AFAP1: variants seen among roughly 807,000 people sequenced by gnomAD.
AFAP1 encodes the protein actin filament-associated protein 1.
AFAP1 carries 75 observed loss-of-function variants against 93.9 expected under a neutral mutation model. That is an observed-to-expected ratio of 0.80 (90% CI 0.66 to 0.97). The LOEUF (loss-of-function observed/expected upper bound fraction) is 0.97, where lower values mean the gene tolerates loss of function less well. Among genes scored for constraint, AFAP1 ranks in the 50% least tolerant of loss-of-function variants. The probability of loss-of-function intolerance (pLI) is 0.00; values close to 1 mark genes in which losing one functional copy is unlikely to be tolerated. For missense variants in AFAP1, 1,201 were observed against 1,050.8 expected, an observed-to-expected ratio of 1.14 and a Z score of -1.98; for synonymous variants, 517 against 430.7, an observed-to-expected ratio of 1.20 and a Z score of -2.48.
intron 6 of AFAP1, among the ~76,000 whole-genome samples, chr4:7,838,257 A>C (rs1712548525): frequency 6.6e-6 from 1 of 152,188 alleles, no homozygotes; most frequent in Admixed American, 6.5e-5. Context: ...AGACACAATA[A>C]AGTGACACTG....
At chr4:7,904,602 T>A (rs62290561) in intron 1 of AFAP1, among the ~76,000 whole-genome samples, 1 of 152,086 alleles carries the variant, frequency 6.6e-6, no homozygotes, top group African/African-American at 2.4e-5. Flanking sequence ...AACTGAGGCA[T>A]AGAAAGATTA....
chr4:7,796,443 T>A (rs1476462375), intron 10 of AFAP1, among the ~76,000 whole-genome samples: 1 of 152,182 alleles, frequency 6.6e-6, no homozygotes, highest in East Asian at 1.9e-4. Context: ...AAGGATATAA[T>A]CACTGATTAA....
intron 6 of AFAP1, among the ~76,000 whole-genome samples, chr4:7,822,862 G>C (rs1196979467): frequency 6.6e-6 from 1 of 151,568 alleles, no homozygotes; most frequent in Non-Finnish European, 1.5e-5. Flanking sequence ...CAAAGTGCTG[G>C]GATTACAGGC....
At chr4:7,882,449 A>G (rs1293106085) in intron 1 of AFAP1, among the ~76,000 whole-genome samples, 1 of 151,996 alleles carries the variant, frequency 6.6e-6, no homozygotes, top group East Asian at 1.9e-4. Flanking sequence ...GAATAGAGAT[A>G]GCACAAAAAA....
At chr4:7,881,901 T>C (rs1717872861) in intron 1 of AFAP1, among the ~76,000 whole-genome samples, 1 of 152,200 alleles carries the variant, frequency 6.6e-6, no homozygotes, top group African/African-American at 2.4e-5. Flanking sequence ...CCAAATTATC[T>C]CATCCTTAAA....
chr4:7,838,289 G>A (rs937212282), intron 6 of AFAP1, among the ~76,000 whole-genome samples: 8 of 152,124 alleles, frequency 5.3e-5, no homozygotes, highest in African/African-American at 7.2e-5. Context: ...AGAGAAAGTC[G>A]TCGAAGCAGC....
chr4:7,758,994 GTTTC>G lies in AFAP1; in HGVS notation c.*4767_*4770del, dbSNP rs1485481267. The G allele has an allele frequency of 6.6e-6, 1 of 152,434 alleles. No individual in the cohort carries two copies. The highest frequency in any genetic ancestry group is 2.4e-5 in the African/African-American group (1 of 41,418). 9.4% of individuals were successfully genotyped at this position (152,434 alleles called of 1,614,324 possible). ...TATTTAATTTAAAAAAATCTTTGCT[GTTTC>G]TTTGCCTGTTTCTTTCAAAGAGAAT... On this transcript the variant is annotated 3_prime_UTR_variant, in exon 18 of 18. Coordinates refer to ENST00000420658, the MANE Select transcript of AFAP1 (RefSeq NM_001134647.2).
intron 11 of AFAP1, among the ~76,000 whole-genome samples, chr4:7,786,615 C>T (rs961758504): frequency 2.7e-5 from 4 of 146,756 alleles, no homozygotes; most frequent in African/African-American, 7.7e-5. Context: ...GATTATCATC[C>T]GTCTCTCACT....
chr4:7,934,076 T>C (rs945157678), intron 1 of AFAP1, among the ~76,000 whole-genome samples: 1 of 152,142 alleles, frequency 6.6e-6, no homozygotes, highest in Admixed American at 6.5e-5. Context: ...CTGGCCACAC[T>C]CCATCCAAAA....
chr4:7,933,040 A>AGGG (rs11412950), intron 1 of AFAP1, among the ~76,000 whole-genome samples: 1 of 118,846 alleles, frequency 8.4e-6, no homozygotes, highest in African/African-American at 3.1e-5. Flanking sequence ...AAAAAAAAAA[A>AGGG]GGGGGGGGAT....
At chr4:7,880,117 C>A (rs957534908) in intron 1 of AFAP1, among the ~76,000 whole-genome samples, 1 of 152,158 alleles carries the variant, frequency 6.6e-6, no homozygotes, top group African/African-American at 2.4e-5. Context: ...CAGAAAATCT[C>A]TCTGGCTCAG....
chr4:7,788,440 A>C (rs1717522183), intron 11 of AFAP1, among the ~76,000 whole-genome samples: 1 of 152,246 alleles, frequency 6.6e-6, no homozygotes, highest in Non-Finnish European at 1.5e-5. Flanking sequence ...TGTGCGCCCC[A>C]TGCTGGGGAG....
At chr4:7,882,302 G>C (rs1376326047) in intron 1 of AFAP1, among the ~76,000 whole-genome samples, 1 of 151,782 alleles carries the variant, frequency 6.6e-6, no homozygotes, top group Non-Finnish European at 1.5e-5. Flanking sequence ...ACCAGACCCA[G>C]GTAGTTTTAC....
chr4:7,890,240 C>T (rs1224460516), intron 1 of AFAP1, among the ~76,000 whole-genome samples: 1 of 152,108 alleles, frequency 6.6e-6, no homozygotes, highest in African/African-American at 2.4e-5. Context: ...AAACGGTCAA[C>T]TGACTTTTGA....
rs62290577 is a variant in AFAP1 at position 7,918,401 on chromosome 4, G to A, written c.-3+21255C>T. On this transcript the variant is annotated intron_variant, in intron 1 of 17. Coordinates refer to ENST00000420658, the MANE Select transcript of AFAP1 (RefSeq NM_001134647.2). Reference sequence around the variant, plus strand: ...AACAGGGCTGCCGGATGAGACACTCGGCCCAGGTCACCCGCAAACAGGGCT... The same window carrying A: ...AACAGGGCTGCCGGATGAGACACTCAGCCCAGGTCACCCGCAAACAGGGCT... 4.4e-3 allele frequency among the ~76,000 whole-genome samples: 648 copies of A among 145,874 alleles called. 4 individuals carry two copies. The highest frequency in any genetic ancestry group is 7.0e-3 in the Admixed American group (102 of 14,514).
rs1430149967 is a variant in AFAP1 at position 7,763,153 on chromosome 4, C to T, written c.*612G>A. 6.6e-6 allele frequency: 1 copy of T among 152,546 alleles called. No homozygotes were observed. The highest frequency in any genetic ancestry group is 1.5e-5 in the Non-Finnish European group (1 of 68,048). 9.4% of individuals were successfully genotyped at this position (152,546 alleles called of 1,614,324 possible). ...ATGTCTTGGTGACAAAAGCATCTGT[C>T]CAAAAAATAATAATAAAAGGTAAAA... On this transcript the variant is annotated 3_prime_UTR_variant, in exon 18 of 18. Coordinates refer to ENST00000420658, the MANE Select transcript of AFAP1 (RefSeq NM_001134647.2).
intron 10 of AFAP1, among the ~76,000 whole-genome samples, chr4:7,797,862 AAAGAC>A (rs539472470): frequency 5.9e-4 from 90 of 152,030 alleles, no homozygotes; most frequent in African/African-American, 2.1e-3. Flanking sequence ...AATCCTACAC[AAAGAC>A]ATACAGACGT....
At chr4:7,890,713 G>C (rs1037810074) in intron 1 of AFAP1, among the ~76,000 whole-genome samples, 7 of 152,124 alleles carry the variant, frequency 4.6e-5, no homozygotes, top group Admixed American at 4.6e-4. Flanking sequence ...TGAGTCATCA[G>C]GTTAATGCAA....
rs183841105 is a variant in AFAP1 at position 7,815,186 on chromosome 4, A to G, written c.904+832T>C. Among the ~76,000 whole-genome samples the G allele has an allele frequency of 5.9e-5, 9 of 152,184 alleles. 1 individual carries two copies. Among genetic ancestry groups the G allele is most frequent in the Admixed American group, 5.9e-4 (9 of 15,276 alleles). ...ACACGGCCTGTAGGACTCCACTTCA[A>G]TGAGGTCCCTAGAGGAGTCAGATTC... is the stretch of plus-strand genomic sequence containing the variant. On this transcript the variant is annotated intron_variant, in intron 8 of 17. Transcript: ENST00000420658.
Sources: gnomAD v4.1 joint callset for allele counts (sites outside exome capture counted in the v4.1 genomes callset) on GRCh38, gnomAD v4.1.1 for gene constraint, MANE v1.5 for transcripts, NCBI Gene and HGNC (gene_info 2026-07-23, HGNC 2026-07-21) for gene names.